The following AP4E1 variants were observed in gnomAD, a reference collection of about 807,000 sequenced individuals.
The protein encoded by AP4E1 is adaptor related protein complex 4 subunit epsilon 1.
Under a neutral mutation model 128.2 loss-of-function variants are expected in AP4E1, and 56 were observed. The observed-to-expected ratio is 0.44, with a 90% CI of 0.35 to 0.55. AP4E1 has a LOEUF of 0.55. Ranked by LOEUF, AP4E1 falls within the 20% of genes least tolerant of loss-of-function variation. The pLI is 0.00. For synonymous variants in AP4E1, 484 were observed against 473.1 expected (o/e 1.02, Z -0.30); for missense variants, 1,324 against 1,307.7 (o/e 1.01, Z -0.19).
chr15:50,959,327 A>G (rs1263530737), intron 14 of AP4E1, among the ~76,000 whole-genome samples: 1 of 152,238 alleles, frequency 6.6e-6, no homozygotes, highest in Non-Finnish European at 1.5e-5. Flanking sequence ...AAAAGTATCA[A>G]GTCACACATA....
intron 7 of AP4E1, among the ~76,000 whole-genome samples, chr15:50,933,379 G>T (rs1045084525): frequency 2.0e-5 from 3 of 152,138 alleles, no homozygotes; most frequent in Non-Finnish European, 2.9e-5. Context: ...GGAAAAGTCT[G>T]TTGTATTTAT....
intron 5 of AP4E1, among the ~76,000 whole-genome samples, 170 bp downstream of exon 5, chr15:50,925,389 A>G (rs892988605): frequency 6.6e-6 from 1 of 152,162 alleles, no homozygotes; most frequent in African/African-American, 2.4e-5. Context: ...GGGTTTAGGG[A>G]AATGTTAGAC....
At chr15:50,926,370 T>C (rs1165324374) in intron 5 of AP4E1, among the ~76,000 whole-genome samples, 2 of 151,032 alleles carry the variant, frequency 1.3e-5, no homozygotes, top group Admixed American at 1.3e-4. Flanking sequence ...ACTCCTGACC[T>C]TGTGATTCAC....
At chr15:50,916,843 CT>C (rs1395151991) in intron 3 of AP4E1, among the ~76,000 whole-genome samples, 1 of 152,098 alleles carries the variant, frequency 6.6e-6, no homozygotes, top group Non-Finnish European at 1.5e-5. Context: ...CTTTTGTTAT[CT>C]TTTCATATAT....
intron 16 of AP4E1, among the ~76,000 whole-genome samples, chr15:50,991,962 C>CTT (rs61161776): frequency 1.1e-4 from 14 of 126,574 alleles, no homozygotes; most frequent in African/African-American, 3.4e-4. Flanking sequence ...ACACATAGTT[C>CTT]TTTTTTTTTT....
In AP4E1 at chr15:50,958,680, C is replaced by T; in HGVS notation, c.1737C>T (p.Thr579=). The T allele has an allele frequency of 6.2e-7, 1 of 1,614,036 alleles. No individual in the cohort carries two copies. Among genetic ancestry groups the T allele is most frequent in the Non-Finnish European group, 8.5e-7 (1 of 1,179,980 alleles). ...TTGAGAGATTAATCCATGAATTTAC[C>T]ATATCTTTGGATACTTGTATGAGAC... ...NTVERLIHEF[T]ISLDTCMRQH... Residue 579 remains threonine, a synonymous_variant, in exon 14 of 21, where the codon ACC becomes ACT. Coordinates refer to ENST00000261842, the MANE Select transcript of AP4E1 (RefSeq NM_007347.5).
chr15:50,949,836 G>T lies in AP4E1; in HGVS notation c.1327G>T (p.Asp443Tyr). The change falls in exon 12 of 21, where the codon GAT (aspartate) becomes TAT (tyrosine). Residue 443 changes from aspartate to tyrosine, a missense_variant. Physicochemically the swap from Asp to Tyr is radical, Grantham distance 160. Transcript: ENST00000261842. ...IAELAEKYAP[D>Y]NAWFIQTMNA... ...TAACACTGTGGACACATATGCTCCTGATAATGCATGGTTTATTCAGACAAT... is the reference window on the plus strand; with the variant it reads ...TAACACTGTGGACACATATGCTCCTTATAATGCATGGTTTATTCAGACAAT... 1 of 1,612,634 alleles carries T rather than the reference G, an allele frequency of 6.2e-7. No homozygotes were observed. Among genetic ancestry groups the T allele is most frequent in the South Asian group, 1.1e-5 (1 of 91,050 alleles).
Position 50,965,104 on chromosome 15 carries a change from A to G in AP4E1, c.1852-3159A>G, listed in dbSNP as rs1392372360. Among the ~76,000 whole-genome samples, 40 of 152,090 alleles carry G rather than the reference A, an allele frequency of 2.6e-4. 1 individual carries two copies. Among genetic ancestry groups the G allele is most frequent in the Admixed American group, 2.6e-3 (40 of 15,268 alleles). On this transcript the variant is annotated intron_variant, in intron 14 of 20. Coordinates refer to ENST00000261842, the MANE Select transcript of AP4E1 (RefSeq NM_007347.5). ...TTACAAGAGCTGAACAGATGCCGGTATCATGCTTCTTGTACAGCCTGCAGA... is the reference window on the plus strand; with the variant it reads ...TTACAAGAGCTGAACAGATGCCGGTGTCATGCTTCTTGTACAGCCTGCAGA...
chr15:50,940,800 A>G (rs1371952073), intron 8 of AP4E1, among the ~76,000 whole-genome samples: 3 of 152,170 alleles, frequency 2.0e-5, no homozygotes, highest in Admixed American at 2.0e-4. Context: ...AGACTTTCGA[A>G]TGTATCAGAA....
chr15:50,997,640 C>A lies in AP4E1; in HGVS notation c.2661C>A (p.His887Gln), dbSNP rs1321535452. 1 of 1,614,032 alleles carries A rather than the reference C, an allele frequency of 6.2e-7. No homozygotes were observed. Among genetic ancestry groups the A allele is most frequent in the South Asian group, 1.1e-5 (1 of 91,074 alleles). ...CTAATAACAACATGGAAATTTTTCA[C>A]CCTCCTCAATCTACTGCAGCCTCAG... ...LFANNNMEIF[H>Q]PPQSTAASVA... Residue 887 changes from histidine (H) to glutamine (Q), a missense_variant, in exon 18 of 21, where the codon CAC (histidine) becomes CAA (glutamine). Transcript: ENST00000261842.
intron 15 of AP4E1, among the ~76,000 whole-genome samples, chr15:50,972,759 ACATGTCTGC>A (rs1411820692): frequency 6.6e-6 from 1 of 152,142 alleles, no homozygotes; most frequent in African/African-American, 2.4e-5. Flanking sequence ...CAGCCTGAGG[ACATGTCTGC>A]CAAGAGTAGC....
chr15:51,000,467 AATAAC>A (rs1212969738), intron 19 of AP4E1, among the ~76,000 whole-genome samples: 1 of 152,156 alleles, frequency 6.6e-6, no homozygotes, highest in African/African-American at 2.4e-5. Context: ...GTCTTTTAGT[AATAAC>A]ATAACTGTCA....
chr15:50,908,634 A>G, upstream of AP4E1: 2 of 1,110,860 alleles, frequency 1.8e-6, no homozygotes, highest in South Asian at 2.2e-5. Flanking sequence ...ACGACGCTGA[A>G]CTTGTTCAGG....
chr15:50,930,915 A>G lies in AP4E1; in HGVS notation c.813A>G (p.Pro271=). 1 of 1,614,172 alleles carries G rather than the reference A, an allele frequency of 6.2e-7. No homozygotes were observed. Residue 271 remains proline, a synonymous_variant, in exon 7 of 21, where the codon CCA becomes CCG. Transcript: ENST00000261842. ...TCAATTACCACAGTGTGCCAGCACC[A>G]TGGTTACAAATTCAGCTCTTGAGAA... The part of the protein sequence containing the change: ...VEFNYHSVPA[P]WLQIQLLRIL...
chr15:50,935,667 G>A (rs191039535), intron 8 of AP4E1, among the ~76,000 whole-genome samples: 1 of 152,280 alleles, frequency 6.6e-6, no homozygotes, highest in Admixed American at 6.5e-5. Flanking sequence ...TCATGAAGTA[G>A]GAAATGAAGA....
rs568335697 is a variant in AP4E1 at position 50,920,259 on chromosome 15, G to A, written c.347-3672G>A. On this transcript the variant is annotated intron_variant, in intron 3 of 20. Coordinates refer to ENST00000261842, the MANE Select transcript of AP4E1 (RefSeq NM_007347.5). Reference sequence around the variant, plus strand: ...CTCCCAAGTAGCTGGGACTACAGACGCCTGCCACCGTGCCTAGCTAATTTT... The same window carrying A: ...CTCCCAAGTAGCTGGGACTACAGACACCTGCCACCGTGCCTAGCTAATTTT... Among the ~76,000 whole-genome samples, 34 of 151,608 alleles carry A rather than the reference G, an allele frequency of 2.2e-4. No individual in the cohort carries two copies. The East Asian group carries it at 6.5e-3, about 29-fold the overall frequency.
At position 50,915,483 on chromosome 15, in the gene AP4E1, T is replaced by C. The variant is rs143624283; in HGVS notation, c.258T>C (p.Tyr86=). 1,002 of 1,613,502 alleles carry C rather than the reference T, an allele frequency of 6.2e-4. 2 individuals are homozygous for C. The highest frequency in any genetic ancestry group is 7.8e-4 in the Non-Finnish European group (917 of 1,179,618). The change falls in exon 3 of 21, where the codon TAT becomes TAC. Residue 86 remains tyrosine (Y), a synonymous_variant. Transcript: ENST00000261842. ...AGGAATGTATGGTGAGACTTATATATTGTGAAATGCTTGGATATGATGCTT... is the reference window on the plus strand; with the variant it reads ...AGGAATGTATGGTGAGACTTATATACTGTGAAATGCTTGGATATGATGCTT... ...MMKECMVRLI[Y]CEMLGYDASF...
chr15:50,985,234 A>G (rs1435640286), intron 16 of AP4E1, among the ~76,000 whole-genome samples: 2 of 152,232 alleles, frequency 1.3e-5, no homozygotes, highest in African/African-American at 4.8e-5. Context: ...AGTAGATTGC[A>G]AAAATTTTTT....
Position 50,923,943 on chromosome 15 carries a change from T to C in AP4E1, c.359T>C (p.Val120Ala), listed in dbSNP as rs1260762094. ...LLEKRVGYLA[V>A]SLFLHESHEL... ...TCAACTTTTATAGGTTATTTGGCTG[T>C]TTCCTTATTTCTACATGAAAGTCAT... The change falls in exon 4 of 21, where the codon GTT becomes GCT. Residue 120 changes from valine (V) to alanine (A), a missense_variant. Val to Ala is a moderately conservative substitution (Grantham distance 64, BLOSUM62 0). Coordinates refer to ENST00000261842, the MANE Select transcript of AP4E1 (RefSeq NM_007347.5). The C allele has an allele frequency of 6.2e-7, 1 of 1,611,890 alleles. No individual in the cohort carries two copies.
Sources: allele counts gnomAD v4.1 joint callset (sites outside exome capture counted in the v4.1 genomes callset), GRCh38; gene constraint gnomAD v4.1.1; transcripts MANE v1.5; gene names NCBI Gene and HGNC (gene_info 2026-07-23, HGNC 2026-07-21).